The following UNC13B variants were observed in gnomAD, a reference collection of about 807,000 sequenced individuals.
The protein encoded by UNC13B is protein unc-13 homolog B.
Under a neutral mutation model 211.0 loss-of-function variants are expected in UNC13B, and 144 were observed. That is an observed-to-expected ratio of 0.68 (90% confidence interval 0.60 to 0.78). The LOEUF is 0.78. Among genes scored for constraint, UNC13B ranks in the 30% least tolerant of loss-of-function variants. UNC13B has a pLI of 0.00. For synonymous variants in UNC13B, 709 were observed against 725.8 expected (o/e 0.98, Z 0.37); for missense variants, 1,777 against 2,002.0 (o/e 0.89, Z 2.14).
At chr9:35,333,746 T>C (rs1831495186) in intron 11 of UNC13B, among the ~76,000 whole-genome samples, 1 of 152,222 alleles carries the variant, frequency 6.6e-6, no homozygotes, top group Non-Finnish European at 1.5e-5. Context: ...CAAATTCTTG[T>C]ACATTTTATC....
At chr9:35,355,394 A>G (rs546487020) in intron 11 of UNC13B, among the ~76,000 whole-genome samples, 1 of 152,342 alleles carries the variant, frequency 6.6e-6, no homozygotes, top group African/African-American at 2.4e-5. Context: ...CCATAAAGTT[A>G]CATTTAAAAA....
chr9:35,305,193 G>A lies in UNC13B; in HGVS notation c.5789G>A (p.Ser1930Asn), dbSNP rs1156890169. 1.0e-5 allele frequency: 4 copies of A among 398,800 alleles called. No individual in the cohort carries two copies. The highest frequency in any genetic ancestry group is 4.4e-5 in the Admixed American group (1 of 22,692). The allele number at this position is 398,800 out of a possible 1,614,324, so 24.7% of individuals were successfully genotyped here. The change falls in exon 9 of 40, where the codon AGT (serine) becomes AAT (asparagine). Residue 1930 changes from serine to asparagine, a missense_variant. Transcript: ENST00000635942. Reference sequence around the variant, plus strand: ...TTCAGTCAAGAAGAATCGTCAGTTAGTATGACAGCAAATGAAAAACAGTCA... The same window carrying A: ...TTCAGTCAAGAAGAATCGTCAGTTAATATGACAGCAAATGAAAAACAGTCA... Reference protein sequence around the residue: ...KLFSQEESSVSMTANEKQSSG... With the variant: ...KLFSQEESSVNMTANEKQSSG...
At chr9:35,281,788 G>A (rs554102947) in intron 7 of UNC13B, among the ~76,000 whole-genome samples, 6 of 152,308 alleles carry the variant, frequency 3.9e-5, no homozygotes, top group African/African-American at 1.2e-4. Flanking sequence ...CATAAATTGA[G>A]TCTTAAAGGA....
intron 7 of UNC13B, among the ~76,000 whole-genome samples, chr9:35,292,285 CTTTG>C (rs1278080661): frequency 6.6e-6 from 1 of 152,192 alleles, no homozygotes; most frequent in Admixed American, 6.5e-5. Context: ...GGAGGCCCAT[CTTTG>C]TTTGCCCCAG....
chr9:35,265,985 C>T (rs937586107), intron 7 of UNC13B, among the ~76,000 whole-genome samples: 12 of 151,930 alleles, frequency 7.9e-5, no homozygotes, highest in Non-Finnish European at 1.0e-4. Context: ...TCATCACACC[C>T]GGCTAATTTT....
intron 11 of UNC13B, among the ~76,000 whole-genome samples, chr9:35,329,879 G>A (rs1041429756): frequency 6.6e-5 from 10 of 152,146 alleles, no homozygotes; most frequent in African/African-American, 2.4e-4. Context: ...GGAAGAGGGT[G>A]GCACAAGCCT....
intron 26 of UNC13B, among the ~76,000 whole-genome samples, chr9:35,392,094 C>T (rs192865711): frequency 3.3e-5 from 5 of 152,298 alleles, no homozygotes; most frequent in African/African-American, 1.2e-4. Flanking sequence ...TTTATGAGCT[C>T]CCATTTTCTC....
rs902818672 is a variant in UNC13B, at chr9:35,316,579, GGAAA to G, written c.9414+2593_9414+2596del. On this transcript the variant is annotated intron_variant, in intron 11 of 39. Transcript: ENST00000635942. Reference sequence around the variant, plus strand: ...TCATAATTGCATGCTCTAAAATCTTGGAAAGAGACTATTAACATATTAAAAATAT... The same window carrying G: ...TCATAATTGCATGCTCTAAAATCTTGGAGACTATTAACATATTAAAAATAT... Among the ~76,000 whole-genome samples, 51 of 152,146 alleles carry G rather than the reference GGAAA, an allele frequency of 3.4e-4. 2 individuals carry two copies. Among genetic ancestry groups the G allele is most frequent in the African/African-American group, 1.1e-3 (44 of 41,520 alleles).
intron 22 of UNC13B, 27 bp downstream of exon 22, chr9:35,384,341 G>A (rs1405909336): frequency 1.2e-6 from 2 of 1,610,764 alleles, no homozygotes; most frequent in East Asian, 4.5e-5. Flanking sequence ...CTGTGGGCAG[G>A]ATAATAGATA....
chr9:35,181,615 C>T (rs1821944539), intron 1 of UNC13B, among the ~76,000 whole-genome samples: 1 of 152,030 alleles, frequency 6.6e-6, no homozygotes, highest in Non-Finnish European at 1.5e-5. Flanking sequence ...AGTGGGTGGA[C>T]CACTCGAGGT....
intron 7 of UNC13B, among the ~76,000 whole-genome samples, chr9:35,265,155 G>C (rs1400016478): frequency 2.0e-5 from 3 of 152,220 alleles, no homozygotes; most frequent in African/African-American, 7.2e-5. Context: ...GGGCAGAATT[G>C]TATGAACTTG....
chr9:35,352,888 A>G (rs1832806477), intron 11 of UNC13B: 3 of 1,232,078 alleles, frequency 2.4e-6, no homozygotes, highest in Non-Finnish European at 3.0e-6. Context: ...AACATGAAGC[A>G]TGTAAAGTAG....
At chr9:35,179,821 A>T (rs772463006) in intron 1 of UNC13B, among the ~76,000 whole-genome samples, 6 of 152,126 alleles carry the variant, frequency 3.9e-5, no homozygotes, top group Non-Finnish European at 7.4e-5. Context: ...ATAGAGAGAG[A>T]TGATACTTTA....
At chr9:35,322,821 T>G (rs917447875) in intron 11 of UNC13B, among the ~76,000 whole-genome samples, 1 of 152,100 alleles carries the variant, frequency 6.6e-6, no homozygotes, top group Admixed American at 6.6e-5. Context: ...TCTGATCATG[T>G]CTGCCTATCT....
Position 35,302,588 on chromosome 9 carries a change from G to A in UNC13B, c.3184G>A (p.Glu1062Lys). Residue 1062 changes from glutamate to lysine, a missense_variant, in exon 9 of 40, where the codon GAA becomes AAA. Coordinates refer to ENST00000635942, the MANE Select transcript of UNC13B (RefSeq NM_001371189.2). ...NDLGKFGNIE[E>K]LNPSDHTAGQ... ...TCTGGGGAAATTTGGGAATATAGAGGAATTAAATCCAAGTGACCACACAGC... is the reference window on the plus strand; with the variant it reads ...TCTGGGGAAATTTGGGAATATAGAGAAATTAAATCCAAGTGACCACACAGC... 2.5e-6 allele frequency: 1 copy of A among 398,556 alleles called. No homozygotes were observed. The highest frequency in any genetic ancestry group is 4.4e-6 in the Non-Finnish European group (1 of 225,730). 24.7% of individuals were successfully genotyped at this position (398,556 alleles called of 1,614,324 possible).
chr9:35,300,395 G>A lies in UNC13B; in HGVS notation c.991G>A (p.Gly331Ser). 2.5e-6 allele frequency: 1 copy of A among 398,966 alleles called. No homozygotes were observed. Among genetic ancestry groups the A allele is most frequent in the Non-Finnish European group, 4.4e-6 (1 of 226,030 alleles). The allele number at this position is 398,966 out of a possible 1,614,324, so 24.7% of individuals were successfully genotyped here. The part of the protein sequence containing the change: ...PYKNGFVVKS[G>S]MQRIKLESHD... ...CAAAAATGGATTTGTGGTTAAGAGT[G>A]GCATGCAGCGCATTAAGTTGGAAAG... is the stretch of plus-strand genomic sequence containing the variant. Residue 331 changes from glycine to serine, a missense_variant, in exon 9 of 40, where the codon GGC becomes AGC. By Grantham distance (56) the Gly-to-Ser change is moderately conservative (BLOSUM62 0). Transcript: ENST00000635942.
chr9:35,226,065 T>C (rs982260619), intron 1 of UNC13B, among the ~76,000 whole-genome samples: 6 of 152,140 alleles, frequency 3.9e-5, no homozygotes, highest in Admixed American at 3.9e-4. Context: ...TGGAGAACTG[T>C]CCTGCATACT....
chr9:35,349,467 C>T (rs1416979835), intron 11 of UNC13B, among the ~76,000 whole-genome samples: 1 of 152,064 alleles, frequency 6.6e-6, no homozygotes, highest in African/African-American at 2.4e-5. Flanking sequence ...GGCAGCTGGG[C>T]ACCAAGCCCA....
At chr9:35,344,566 C>T (rs1832232439) in intron 11 of UNC13B, among the ~76,000 whole-genome samples, 1 of 152,086 alleles carries the variant, frequency 6.6e-6, no homozygotes, top group Non-Finnish European at 1.5e-5. Context: ...ACAAATAAGA[C>T]ACAGCTTCCA....
Sources: gnomAD v4.1 joint callset for allele counts (sites outside exome capture counted in the v4.1 genomes callset) on GRCh38, gnomAD v4.1.1 for gene constraint, MANE v1.5 for transcripts, NCBI Gene and HGNC (gene_info 2026-07-23, HGNC 2026-07-21) for gene names.